FTCDNL1: variants seen among roughly 807,000 people sequenced by gnomAD.
FTCDNL1 encodes the protein formiminotransferase cyclodeaminase N-terminal like.
Under a neutral mutation model 5.9 loss-of-function variants are expected in FTCDNL1, and 11 were observed. The ratio of observed to expected loss-of-function variants is 1.87; its 90% CI spans 1.18 to 3.10. The LOEUF is 3.10. FTCDNL1 is among the 30% of genes most tolerant of loss of function. The pLI is 0.00. For synonymous variants in FTCDNL1, 58 were observed against 24.8 expected, an observed-to-expected ratio of 2.34 and a Z score of -3.99; for missense variants, 115 against 65.5, an observed-to-expected ratio of 1.76 and a Z score of -2.61.
the FTCDNL1 span, among the ~76,000 whole-genome samples, chr2:199,718,557 T>C: frequency 6.6e-6 from 1 of 152,196 alleles, no homozygotes; most frequent in Non-Finnish European, 1.5e-5. Context: ...TCCCTTTGTG[T>C]AGATACTCAG....
At chr2:199,765,599 G>A (rs184521166) in intron 3 of FTCDNL1, among the ~76,000 whole-genome samples, 1 of 129,894 alleles carries the variant, frequency 7.7e-6, no homozygotes, top group East Asian at 2.5e-4. Context: ...CTAGGTTGGA[G>A]TGCAGGGGCG....
intron 3 of FTCDNL1, among the ~76,000 whole-genome samples, chr2:199,839,942 C>T (rs930849723): frequency 3.3e-5 from 5 of 151,982 alleles, no homozygotes; most frequent in Non-Finnish European, 5.9e-5. Context: ...TCCACCAAAA[C>T]GACACCATAA....
the FTCDNL1 span, among the ~76,000 whole-genome samples, chr2:199,741,999 T>C: frequency 6.6e-6 from 1 of 152,158 alleles, no homozygotes; most frequent in Non-Finnish European, 1.5e-5. Context: ...AACCAATACT[T>C]GCCTACCGTC....
chr2:199,666,316 A>C, the FTCDNL1 span, among the ~76,000 whole-genome samples: 1 of 152,198 alleles, frequency 6.6e-6, no homozygotes, highest in Admixed American at 6.5e-5. Flanking sequence ...TAGGACTGAT[A>C]AGGAAGGACC....
intron 3 of FTCDNL1, among the ~76,000 whole-genome samples, chr2:199,789,072 G>C (rs182475815): frequency 1.2e-3 from 172 of 149,470 alleles, no homozygotes; most frequent in South Asian, 1.9e-3. Context: ...TCTTCAAATT[G>C]TTATAGTTGT....
At chr2:199,845,164 C>T (rs2076698143) in intron 3 of FTCDNL1, among the ~76,000 whole-genome samples, 1 of 152,026 alleles carries the variant, frequency 6.6e-6, no homozygotes, top group Admixed American at 6.6e-5. Flanking sequence ...ATTATAGACA[C>T]CTAAGAGTTT....
the FTCDNL1 span, among the ~76,000 whole-genome samples, chr2:199,693,484 C>T: frequency 6.6e-6 from 1 of 152,146 alleles, no homozygotes; most frequent in Non-Finnish European, 1.5e-5. Flanking sequence ...CATTGAGTGA[C>T]AAATCTTATA....
intron 3 of FTCDNL1, chr2:199,760,921 T>G (rs1698241223): frequency 4.3e-6 from 3 of 696,638 alleles, no homozygotes; most frequent in Non-Finnish European, 7.9e-6. Flanking sequence ...CCCATTCCTT[T>G]CCTTGCTTCA....
At chr2:199,830,100 C>T (rs1325247392) in intron 3 of FTCDNL1, among the ~76,000 whole-genome samples, 3 of 151,512 alleles carry the variant, frequency 2.0e-5, no homozygotes, top group Non-Finnish European at 2.9e-5. Context: ...TAAAATCTTA[C>T]AAGCATCCTC....
At chr2:199,790,085 G>A (rs959541228) in intron 3 of FTCDNL1, among the ~76,000 whole-genome samples, 15 of 152,052 alleles carry the variant, frequency 9.9e-5, no homozygotes, top group Non-Finnish European at 1.9e-4. Flanking sequence ...CAAAGAGGGT[G>A]GGAAGAGAAA....
At chr2:199,806,518 T>C (rs1700733993), downstream of FTCDNL1, among the ~76,000 whole-genome samples, 1 of 152,232 alleles carries the variant, frequency 6.6e-6, no homozygotes, top group Non-Finnish European at 1.5e-5. Flanking sequence ...GGGGGAATGA[T>C]AAATTCCTTG....
At chr2:199,847,874 T>C (rs1311138617) in intron 2 of FTCDNL1, among the ~76,000 whole-genome samples, 1 of 152,232 alleles carries the variant, frequency 6.6e-6, no homozygotes, top group African/African-American at 2.4e-5. Flanking sequence ...AGTTTTCTTA[T>C]CAGCAATTAT....
the FTCDNL1 span, among the ~76,000 whole-genome samples, chr2:199,720,204 C>T: frequency 6.6e-6 from 1 of 152,296 alleles, no homozygotes; most frequent in South Asian, 2.1e-4. Flanking sequence ...AATTTGGATG[C>T]CTCTTATGTT....
the FTCDNL1 span, among the ~76,000 whole-genome samples, chr2:199,667,542 G>A: frequency 2.6e-4 from 40 of 152,214 alleles, no homozygotes; most frequent in African/African-American, 7.9e-4. Flanking sequence ...TGCACGTAGT[G>A]GGAGGACTGC....
intron 4 of FTCDNL1, 166 bp downstream of exon 4, chr2:199,819,406 T>C: frequency 1.7e-6 from 1 of 598,748 alleles, no homozygotes; most frequent in Non-Finnish European, 3.0e-6. Flanking sequence ...ACAGGTTAGC[T>C]TAAAAGGGCC....
the FTCDNL1 span, among the ~76,000 whole-genome samples, chr2:199,719,671 G>C: frequency 2.6e-5 from 4 of 151,952 alleles, no homozygotes; most frequent in African/African-American, 9.7e-5. Context: ...GTCTTACTCT[G>C]TTACCCAGGC....
intron 3 of FTCDNL1, among the ~76,000 whole-genome samples, chr2:199,765,532 TTATATA>T (rs1319054963): frequency 2.8e-4 from 22 of 79,594 alleles, no homozygotes; most frequent in African/African-American, 6.5e-4. Context: ...TTTGTCTTCA[TTATATA>T]TATATATATA....
At chr2:199,751,457 T>C in the FTCDNL1 span, among the ~76,000 whole-genome samples, 1 of 152,164 alleles carries the variant, frequency 6.6e-6, no homozygotes, top group East Asian at 1.9e-4. Flanking sequence ...CCATTCAACA[T>C]CTGTCCGAGG....
At chr2:199,769,534 A>T (rs1336301895) in intron 3 of FTCDNL1, among the ~76,000 whole-genome samples, 1 of 152,176 alleles carries the variant, frequency 6.6e-6, no homozygotes, top group Non-Finnish European at 1.5e-5. Flanking sequence ...TTGATAAATT[A>T]CTCAGTCTCA....
Sources: gnomAD v4.1 joint callset for allele counts (sites outside exome capture counted in the v4.1 genomes callset) on GRCh38, gnomAD v4.1.1 for gene constraint, MANE v1.5 for transcripts, NCBI Gene and HGNC (gene_info 2026-07-23, HGNC 2026-07-21) for gene names.